MAST3: variants seen among roughly 807,000 people sequenced by gnomAD.
MAST3 encodes the protein microtubule-associated serine/threonine-protein kinase 3.
Under a neutral mutation model 127.0 loss-of-function variants are expected in MAST3, and 43 were observed. That is an observed-to-expected ratio of 0.34 (90% confidence interval 0.27 to 0.44). The LOEUF is 0.44. Ranked by LOEUF, MAST3 falls within the 20% of genes least tolerant of loss-of-function variation. The pLI is 1.00. For missense variants in MAST3, 1,390 were observed against 1,919.1 expected, an observed-to-expected ratio of 0.72 and a Z score of 5.15; for synonymous variants, 785 against 809.2, an observed-to-expected ratio of 0.97 and a Z score of 0.51.
rs374936757 is a variant in MAST3 at position 18,130,531 on chromosome 19, C to T, written c.1261C>T (p.Arg421Cys). The T allele has an allele frequency of 3.1e-6, 5 of 1,609,890 alleles. No individual in the cohort carries two copies. Among genetic ancestry groups the T allele is most frequent in the African/African-American group, 1.3e-5 (1 of 74,860 alleles). ...YLVRHRDTRQ[R>C]FAIKKINKQN... ...GGTGCGGCACCGTGACACACGGCAG[C>T]GCTTTGCCATCAAGAAGATCAACAA... Residue 421 changes from arginine (R) to cysteine (C), a missense_variant, in exon 14 of 28, where the codon CGC becomes TGC. Arg to Cys is a radical substitution (Grantham distance 180). Transcript: ENST00000687212.
chr19:18,135,438 C>G lies in MAST3; in HGVS notation c.1871-302C>G, dbSNP rs542926900. On this transcript the variant is annotated intron_variant, in intron 17 of 27. Coordinates refer to ENST00000687212, the MANE Select transcript of MAST3 (RefSeq NM_001393504.1). ...TGAGATTGTGCCACTGCACTCCAGC[C>G]TGGGTGACAGAGCGAGACTCCATCT... Among the ~76,000 whole-genome samples, 3 of 152,178 alleles carry G rather than the reference C, an allele frequency of 2.0e-5. No individual in the cohort carries two copies. In the South Asian group the frequency reaches 6.2e-4, roughly 32 times the overall value.
intron 3 of MAST3, among the ~76,000 whole-genome samples, chr19:18,115,309 T>C (rs1364418191): frequency 6.6e-6 from 1 of 151,958 alleles, no homozygotes; most frequent in African/African-American, 2.4e-5. Flanking sequence ...TGGGAGAAGG[T>C]TCTCTCCCTG....
rs61501122 is a variant in MAST3, at chr19:18,149,985, CTTTTTTTTTTTT to C, written c.*267_*278del. The C allele has an allele frequency of 5.4e-6, 1 of 184,366 alleles. No homozygotes were observed. Among genetic ancestry groups the C allele is most frequent in the Non-Finnish European group, 9.7e-6 (1 of 103,238 alleles). The allele number at this position is 184,366 out of a possible 1,614,324, so 11.4% of individuals were successfully genotyped here. Reference sequence around the variant, plus strand: ...GCAACTAATTTATTACTTTTTTTTTCTTTTTTTTTTTTTTTTTTTGAGACAGAGTCTCACTCT... The same window carrying C: ...GCAACTAATTTATTACTTTTTTTTTCTTTTTTTGAGACAGAGTCTCACTCT... On this transcript the variant is annotated 3_prime_UTR_variant, in exon 28 of 28. Transcript: ENST00000687212. The surrounding 1 kb of genome is among the most constrained non-coding windows in gnomAD (Gnocchi z 5.9).
intron 1 of MAST3, among the ~76,000 whole-genome samples, chr19:18,103,049 C>T (rs1296414266): frequency 1.3e-5 from 2 of 152,034 alleles, no homozygotes; most frequent in African/African-American, 4.8e-5. Context: ...TCGGGGCCTC[C>T]CCAACCTCCA....
At position 18,124,695 on chromosome 19, in the gene MAST3, G is replaced by A. The variant is rs371891704; in HGVS notation, c.999G>A (p.Ala333=). Residue 333 remains alanine (A), a synonymous_variant, in exon 11 of 28, where the codon GCG becomes GCA. Coordinates refer to ENST00000687212, the MANE Select transcript of MAST3 (RefSeq NM_001393504.1). ...YHLLEAAEGH[A]REGQGIKTDL... is the part of the protein sequence containing the mutation. ...TGCTGGAGGCGGCTGAGGGCCATGCGCGGGAGGGCCAAGGCATTAAGACTG... is the reference window on the plus strand; with the variant it reads ...TGCTGGAGGCGGCTGAGGGCCATGCACGGGAGGGCCAAGGCATTAAGACTG... The A allele has an allele frequency of 2.1e-5, 34 of 1,611,854 alleles. No individual in the cohort carries two copies. Among genetic ancestry groups the A allele is most frequent in the African/African-American group, 1.7e-4 (13 of 74,820 alleles).
chr19:18,130,789 C>A, intron 14 of MAST3, 87 bp downstream of exon 14: 1 of 1,305,268 alleles, frequency 7.7e-7, no homozygotes, highest in Non-Finnish European at 1.1e-6. Flanking sequence ...AAGTTGAGGT[C>A]TGTTCTGTCC....
chr19:18,117,997 A>G (rs1389179036), intron 3 of MAST3: 1 of 481,060 alleles, frequency 2.1e-6, no homozygotes, highest in East Asian at 1.5e-4. Context: ...GCCTGGGCGG[A>G]GTTCCAGTCG....
intron 7 of MAST3, 67 bp downstream of exon 7, chr19:18,123,441 C>T: frequency 6.6e-7 from 1 of 1,524,712 alleles, no homozygotes; most frequent in South Asian, 1.2e-5. Flanking sequence ...CAAGTTGTGG[C>T]TCCTCCTTCA....
chr19:18,141,489 C>A (rs970598031), intron 20 of MAST3, among the ~76,000 whole-genome samples: 2 of 150,744 alleles, frequency 1.3e-5, no homozygotes, highest in Admixed American at 6.7e-5. Context: ...TCTCCTGCCT[C>A]AGCCTTCCAA....
At position 18,111,530 on chromosome 19, in the gene MAST3, C is replaced by CTTTTTTTTTTTTT. The variant is rs576984210; in HGVS notation, c.161+799_161+811dup. ...TGAGCTGCTTAACTCTTTCCACAGA[C>CTTTTTTTTTTTTT]TTTTTTTTTTTTTTTTTTTTTTGAG... On this transcript the variant is annotated intron_variant, in intron 3 of 27. Coordinates refer to ENST00000687212, the MANE Select transcript of MAST3 (RefSeq NM_001393504.1). 5.8e-5 allele frequency among the ~76,000 whole-genome samples: 6 copies of CTTTTTTTTTTTTT among 103,288 alleles called. 2 individuals are homozygous for CTTTTTTTTTTTTT. The highest frequency in any genetic ancestry group is 2.3e-4 in the African/African-American group (5 of 21,604). The allele number at this position is 103,288 out of a possible 152,430, so 67.8% of individuals were successfully genotyped here. A position where few individuals can be genotyped will look rare whatever the true frequency, so the allele number is the denominator to read the frequency against.
chr19:18,148,715 C>T (rs932287757), intron 27 of MAST3, among the ~76,000 whole-genome samples: 2 of 151,960 alleles, frequency 1.3e-5, no homozygotes, highest in Admixed American at 1.3e-4. Flanking sequence ...CCAGCCTGGC[C>T]AACATGGTGA....
At position 18,143,890 on chromosome 19, in the gene MAST3, G is replaced by A. The variant is rs751894978; in HGVS notation, c.2467G>A (p.Glu823Lys). 1 of 1,613,930 alleles carries A rather than the reference G, an allele frequency of 6.2e-7. No individual in the cohort carries two copies. Among genetic ancestry groups the A allele is most frequent in the Admixed American group, 1.7e-5 (1 of 60,010 alleles). Reference sequence around the variant, plus strand: ...AATGCCCAAGTTTGCCTTCTCATCAGAGGATGAGGGGGTAGGCCCAGGCCC... The same window carrying A: ...AATGCCCAAGTTTGCCTTCTCATCAAAGGATGAGGGGGTAGGCCCAGGCCC... ...DTMPKFAFSS[E>K]DEGVGPGPAG... is the part of the protein sequence containing the mutation. Residue 823 changes from glutamate to lysine, a missense_variant, in exon 22 of 28, where the codon GAG becomes AAG. Transcript: ENST00000687212.
In MAST3 at chr19:18,149,308, C is replaced by T; in HGVS notation, c.3626C>T (p.Pro1209Leu). 1 of 1,531,510 alleles carries T rather than the reference C, an allele frequency of 6.5e-7. No homozygotes were observed. Among genetic ancestry groups the T allele is most frequent in the South Asian group, 1.2e-5 (1 of 81,910 alleles). The allele number at this position is 1,531,510 out of a possible 1,614,324, so 94.9% of individuals were successfully genotyped here. A position where few individuals can be genotyped will look rare whatever the true frequency, so the allele number is the denominator to read the frequency against. The change falls in exon 28 of 28, where the codon CCC becomes CTC. Residue 1209 changes from proline (P) to leucine (L), a missense_variant. Physicochemically the swap from Pro to Leu is moderately conservative, Grantham distance 98. Transcript: ENST00000687212. The surrounding 1 kb of genome is among the most constrained non-coding windows in gnomAD (Gnocchi z 5.9). The part of the protein sequence containing the change: ...LHGLAAKLGP[P>L]RPKTGRRKST... Reference sequence around the variant, plus strand: ...GGCCTGGCTGCCAAGCTTGGGCCACCCCGCCCCAAGACTGGCCGCCGCAAG... The same window carrying T: ...GGCCTGGCTGCCAAGCTTGGGCCACTCCGCCCCAAGACTGGCCGCCGCAAG...
rs1568611607 is a variant in MAST3, at chr19:18,145,241, G to A, written c.3039+12G>A. 5 of 1,610,320 alleles carry A rather than the reference G, an allele frequency of 3.1e-6. 1 individual carries two copies. The highest frequency in any genetic ancestry group is 2.2e-5 in the South Asian group (2 of 91,040). On this transcript the variant is annotated intron_variant, in intron 24 of 27. Transcript: ENST00000687212. The surrounding 1 kb of genome is among the most constrained non-coding windows in gnomAD (Gnocchi z 5.9). ...ACCACGTCGTCTGGGTGAGTGCCGA[G>A]TGGGAATGGCAGGGACCCGGGTTCT...
chr19:18,146,493 T>C (rs2043026423), intron 25 of MAST3, among the ~76,000 whole-genome samples: 1 of 151,770 alleles, frequency 6.6e-6, no homozygotes. Context: ...GCATGGGTGG[T>C]TCATTGAATA....
chr19:18,114,780 C>A (rs2039032562), intron 3 of MAST3, among the ~76,000 whole-genome samples: 1 of 152,108 alleles, frequency 6.6e-6, no homozygotes, highest in South Asian at 2.1e-4. Context: ...TTCCAGGCAG[C>A]AACAGCATCG....
chr19:18,123,195 G>A (rs12611216), intron 6 of MAST3, 22 bp from the exon 7 acceptor site: 210,310 of 1,612,038 alleles, frequency 0.13, 14,663 homozygotes, highest in Admixed American at 0.16. Context: ...TCATGGCTCT[G>A]ATCCCCACCA....
intron 5 of MAST3, 141 bp from the exon 6 acceptor site, chr19:18,122,532 C>A: frequency 1.4e-6 from 1 of 731,658 alleles, no homozygotes; most frequent in Non-Finnish European, 2.4e-6. Context: ...ACTTGGTCAG[C>A]CTGTGTCTCT....
intron 20 of MAST3, among the ~76,000 whole-genome samples, chr19:18,141,616 G>A (rs984095702): frequency 6.6e-6 from 1 of 151,724 alleles, no homozygotes; most frequent in Non-Finnish European, 1.5e-5. Flanking sequence ...CAAGTGATCC[G>A]CCCACCTCAG....
Sources: allele counts gnomAD v4.1 joint callset (sites outside exome capture counted in the v4.1 genomes callset), GRCh38; gene constraint gnomAD v4.1.1; non-coding constraint Gnocchi (gnomAD v3.1); transcripts MANE v1.5; gene names NCBI Gene and HGNC (gene_info 2026-07-23, HGNC 2026-07-21).